The following PDE3B variants were observed in gnomAD, a reference collection of about 807,000 sequenced individuals.
PDE3B encodes the protein phosphodiesterase 3B.
In PDE3B, 66 loss-of-function variants were observed where a neutral mutation model predicts 116.8. The ratio of observed to expected loss-of-function variants is 0.56; its 90% CI spans 0.46 to 0.69. PDE3B has a LOEUF of 0.69. Ranked by LOEUF, PDE3B falls within the 30% of genes least tolerant of loss-of-function variation. PDE3B has a pLI of 0.00. For synonymous variants in PDE3B, 595 were observed against 533.6 expected, an observed-to-expected ratio of 1.12 and a Z score of -1.59; for missense variants, 1,384 against 1,368.1, an observed-to-expected ratio of 1.01 and a Z score of -0.18.
the PDE3B span, chr11:14,891,948 G>A: frequency 1.2e-6 from 2 of 1,605,176 alleles, no homozygotes; most frequent in Non-Finnish European, 1.7e-6. Flanking sequence ...CAGCCTGGCG[G>A]CCCTCCCTGC....
intron 1 of PDE3B, among the ~76,000 whole-genome samples, chr11:14,695,823 A>G (rs1590068509): frequency 1.3e-5 from 2 of 152,058 alleles, no homozygotes; most frequent in South Asian, 2.1e-4. Context: ...AGCTTCATCC[A>G]TGTCCCTACA....
chr11:14,770,638 G>A (rs1857613059), intron 1 of PDE3B, among the ~76,000 whole-genome samples: 1 of 151,484 alleles, frequency 6.6e-6, no homozygotes, highest in Admixed American at 6.6e-5. Flanking sequence ...TAATGAGTCT[G>A]TTATATATAT....
intron 7 of PDE3B, among the ~76,000 whole-genome samples, chr11:14,825,869 A>G (rs1003527666): frequency 2.0e-5 from 3 of 151,866 alleles, no homozygotes; most frequent in African/African-American, 7.2e-5. Context: ...TCTAAAATCC[A>G]TCAGACAACC....
chr11:14,889,703 C>T, the PDE3B span, among the ~76,000 whole-genome samples: 32 of 152,236 alleles, frequency 2.1e-4, no homozygotes, highest in African/African-American at 7.5e-4. Context: ...CATAGTAATA[C>T]CGAGTGTCTT....
At chr11:14,756,273 G>C (rs534685781) in intron 1 of PDE3B, among the ~76,000 whole-genome samples, 107 of 152,150 alleles carry the variant, frequency 7.0e-4, no homozygotes, top group African/African-American at 2.6e-3. Context: ...TATCAGTCAG[G>C]GTCCCAGCAA....
chr11:14,827,559 T>C (rs1440942027), intron 7 of PDE3B, among the ~76,000 whole-genome samples: 1 of 152,026 alleles, frequency 6.6e-6, no homozygotes, highest in Non-Finnish European at 1.5e-5. Flanking sequence ...CACAATCCCA[T>C]TTACAATTGC....
At chr11:14,891,880 A>C in the PDE3B span, 3 of 1,454,702 alleles carry the variant, frequency 2.1e-6, no homozygotes, top group South Asian at 1.3e-5. Flanking sequence ...AGAGGTCCCG[A>C]CTAGTCGGCC....
chr11:14,743,908 C>A (rs1237744381), intron 1 of PDE3B, among the ~76,000 whole-genome samples: 1 of 152,144 alleles, frequency 6.6e-6, no homozygotes, highest in South Asian at 2.1e-4. Flanking sequence ...CTAACCAGTC[C>A]CATTGAGATG....
chr11:14,662,020 C>T (rs941696491), intron 1 of PDE3B, among the ~76,000 whole-genome samples: 2 of 152,072 alleles, frequency 1.3e-5, no homozygotes, highest in Non-Finnish European at 2.9e-5. Flanking sequence ...GGGTCCCTGA[C>T]CCCTGACCCC....
At chr11:14,672,593 A>G (rs1854405118) in intron 1 of PDE3B, among the ~76,000 whole-genome samples, 3 of 152,156 alleles carry the variant, frequency 2.0e-5, no homozygotes, top group Admixed American at 1.3e-4. Flanking sequence ...AAGTTTATTT[A>G]TCATATAACA....
chr11:14,660,043 C>A (rs1250003440), intron 1 of PDE3B, among the ~76,000 whole-genome samples: 1 of 152,152 alleles, frequency 6.6e-6, no homozygotes, highest in Non-Finnish European at 1.5e-5. Flanking sequence ...GCAGATGCAA[C>A]AATACCCTGA....
the PDE3B span, among the ~76,000 whole-genome samples, chr11:14,882,466 A>G: frequency 6.6e-6 from 1 of 152,130 alleles, no homozygotes; most frequent in Non-Finnish European, 1.5e-5. Flanking sequence ...ATATGTGCAC[A>G]TGGGATATAT....
chr11:14,821,535 C>T (rs1444604735), intron 7 of PDE3B, among the ~76,000 whole-genome samples: 1 of 152,054 alleles, frequency 6.6e-6, no homozygotes, highest in Admixed American at 6.6e-5. Context: ...ATGTAATATA[C>T]CTCAAGTGCA....
At chr11:14,701,552 A>T (rs1189659110) in intron 1 of PDE3B, among the ~76,000 whole-genome samples, 5 of 151,496 alleles carry the variant, frequency 3.3e-5, no homozygotes, top group Non-Finnish European at 5.9e-5. Context: ...ATTACTCCTA[A>T]TTTTTTCCCC....
intron 1 of PDE3B, among the ~76,000 whole-genome samples, chr11:14,676,313 T>G (rs1014954239): frequency 8.5e-5 from 13 of 152,304 alleles, no homozygotes; most frequent in Non-Finnish European, 1.8e-4. Flanking sequence ...CAAACCTAGA[T>G]GTTACAGCCT....
At chr11:14,789,302 A>G in intron 4 of PDE3B, 60 bp downstream of exon 4, 1 of 1,335,290 alleles carries the variant, frequency 7.5e-7, no homozygotes, top group Non-Finnish European at 1.1e-6. Context: ...TGTTTCTGTC[A>G]ATAATGTTTC....
chr11:14,714,415 C>T (rs1855809620), intron 1 of PDE3B, among the ~76,000 whole-genome samples: 1 of 151,772 alleles, frequency 6.6e-6, no homozygotes, highest in Non-Finnish European at 1.5e-5. Flanking sequence ...GTGGCAGTGC[C>T]TGTCGTCCCA....
At chr11:14,656,777 A>G (rs1192405450) in intron 1 of PDE3B, among the ~76,000 whole-genome samples, 1 of 152,200 alleles carries the variant, frequency 6.6e-6, no homozygotes, top group Non-Finnish European at 1.5e-5. Flanking sequence ...GTTACTATTA[A>G]TAGTTGAAAT....
At chr11:14,878,130 T>A in the PDE3B span, 7 of 1,612,978 alleles carry the variant, frequency 4.3e-6, no homozygotes, top group Non-Finnish European at 5.1e-6. Flanking sequence ...TTTCAGCGTC[T>A]TTCAGCACAG....
Sources: gnomAD v4.1 joint callset for allele counts (sites outside exome capture counted in the v4.1 genomes callset) on GRCh38, gnomAD v4.1.1 for gene constraint, MANE v1.5 for transcripts, NCBI Gene and HGNC (gene_info 2026-07-23, HGNC 2026-07-21) for gene names.